The following AHNAK variants were observed in gnomAD, a reference collection of about 807,000 sequenced individuals.
AHNAK encodes the protein neuroblast differentiation-associated protein AHNAK.
A neutral mutation model predicts 37.8 loss-of-function variants in AHNAK; 23 were observed. The observed-to-expected ratio is 0.61, with a 90% CI of 0.44 to 0.86. The LOEUF is 0.86. Ranked by LOEUF, AHNAK falls within the 40% of genes least tolerant of loss-of-function variation. The pLI is 0.00. For synonymous variants in AHNAK, 2,481 were observed against 2,636.3 expected, an observed-to-expected ratio of 0.94 and a Z score of 1.80; for missense variants, 7,411 against 7,319.4, an observed-to-expected ratio of 1.01 and a Z score of -0.46.
intron 5 of AHNAK, among the ~76,000 whole-genome samples, chr11:62,473,485 G>A (rs1939082784): frequency 1.3e-5 from 2 of 151,810 alleles, no homozygotes; most frequent in South Asian, 4.2e-4. Context: ...CACAAGGTCA[G>A]GAGATCGAGA....
At chr11:62,448,096 AAC>A (rs1938455812) in intron 5 of AHNAK, among the ~76,000 whole-genome samples, 1 of 152,086 alleles carries the variant, frequency 6.6e-6, no homozygotes, top group Non-Finnish European at 1.5e-5. Flanking sequence ...GACGATGGTG[AAC>A]CCTGGATGAA....
In AHNAK at chr11:62,521,778, G is replaced by C. The variant is rs761932925; in HGVS notation, c.12639C>G (p.Pro4213=). ...GTCCTGAGACGTCAAGGTCAGCCTT[G>C]GGCAGGTTCACATCCACATCTGGGC... ...GEGPDVDVNL[P]KADLDVSGPK... The change falls in exon 5 of 5, where the codon CCC becomes CCG. Residue 4213 remains proline, a synonymous_variant. Coordinates refer to ENST00000378024, the MANE Select transcript of AHNAK (RefSeq NM_001620.3). 1.2e-6 allele frequency: 2 copies of C among 1,607,224 alleles called. No homozygotes were observed. Among genetic ancestry groups the C allele is most frequent in the Middle Eastern group, 3.3e-4 (2 of 6,010 alleles).
intron 1 of AHNAK, among the ~76,000 whole-genome samples, chr11:62,539,782 C>T (rs1363211487): frequency 6.6e-6 from 1 of 152,234 alleles, no homozygotes; most frequent in African/African-American, 2.4e-5. Context: ...CAGTGGCTTC[C>T]CGGCCAGGTG....
At chr11:62,476,133 A>T (rs2507808) in intron 5 of AHNAK, among the ~76,000 whole-genome samples, 146,073 of 152,262 alleles carry the variant, frequency 0.96, 70,268 homozygotes, top group Admixed American at 0.98. Flanking sequence ...CAGTGGTGGT[A>T]CAAGTTCTGG....
chr11:62,504,335 CCCAGAGCTTAT>C (rs1359644121), intron 4 of AHNAK, among the ~76,000 whole-genome samples: 1 of 151,986 alleles, frequency 6.6e-6, no homozygotes, highest in African/African-American at 2.4e-5. Context: ...AGCAAATTTA[CCCAGAGCTTAT>C]CCCACCTGGG....
At position 62,517,321 on chromosome 11, in the gene AHNAK, TCG is replaced by T. The variant is rs780551806; in HGVS notation, c.17094_17095del (p.Glu5699ValfsTer5). 1.9e-6 allele frequency: 3 copies of T among 1,614,182 alleles called. No homozygotes were observed. In the East Asian group the frequency reaches 6.7e-5, roughly 36 times the overall value. ...CAGTTTGACTTCAGACTCTTCCCACTCGCCGTCTCCAGCACCAGCTTGGATGC... is the reference window on the plus strand; with the variant it reads ...CAGTTTGACTTCAGACTCTTCCCACTCCGTCTCCAGCACCAGCTTGGATGC... On this transcript the variant is annotated frameshift_variant, in exon 5 of 5. Transcript: ENST00000378024. LOFTEE classifies it high-confidence loss of function.
chr11:62,516,090 GC>G lies in AHNAK; in HGVS notation c.*653del. 2.4e-6 allele frequency: 3 copies of G among 1,225,892 alleles called. No individual in the cohort carries two copies. Among genetic ancestry groups the G allele is most frequent in the Non-Finnish European group, 3.1e-6 (3 of 954,722 alleles). 75.9% of individuals were successfully genotyped at this position (1,225,892 alleles called of 1,614,324 possible). On this transcript the variant is annotated 3_prime_UTR_variant, in exon 5 of 5. Transcript: ENST00000378024. ...CCCTTACAAAACACAGAAAATGGAA[GC>G]CCCTCATGTTGAGGGGGTGGGTTGG...
intron 4 of AHNAK, among the ~76,000 whole-genome samples, chr11:62,497,690 G>A (rs1939634990): frequency 6.6e-6 from 1 of 152,248 alleles, no homozygotes; most frequent in African/African-American, 2.4e-5. Context: ...GCCAGGCGCG[G>A]TGGTTCACAC....
chr11:62,532,233 G>A lies in AHNAK; in HGVS notation c.2184C>T (p.Gly728=). 1 of 1,613,814 alleles carries A rather than the reference G, an allele frequency of 6.2e-7. No individual in the cohort carries two copies. The highest frequency in any genetic ancestry group is 8.5e-7 in the Non-Finnish European group (1 of 1,179,962). ...TVPKLEGELK[G]PKVDIDAPDV... ...CTGGGGCATCAATGTCCACTTTTGG[G>A]CCTTTGAGTTCTCCTTCCAGCTTTG... is the stretch of plus-strand genomic sequence containing the variant. The change falls in exon 5 of 5, where the codon GGC becomes GGT. Residue 728 remains glycine (G), a synonymous_variant. Transcript: ENST00000378024.
At position 62,518,402 on chromosome 11, in the gene AHNAK, G is replaced by A. The variant is rs1274415306; in HGVS notation, c.16015C>T (p.Gln5339Ter). 5 of 1,613,932 alleles carry A rather than the reference G, an allele frequency of 3.1e-6. No individual in the cohort carries two copies. In the South Asian group the frequency reaches 4.4e-5, roughly 14 times the overall value. ...LNLSGVGGKM[Q>*]VGGDGVKVPG... is the part of the protein sequence containing the mutation. ...ACTTTCACACCGTCTCCTCCCACCTGCATTTTGCCACCGACACCACTGAGG... is the reference window on the plus strand; with the variant it reads ...ACTTTCACACCGTCTCCTCCCACCTACATTTTGCCACCGACACCACTGAGG... The change falls in exon 5 of 5, where the codon CAG becomes TAG. Residue 5339 changes from glutamine (Q) to a stop codon, truncating the protein, a stop_gained. Transcript: ENST00000378024. LOFTEE classifies it high-confidence loss of function.
intron 1 of AHNAK, among the ~76,000 whole-genome samples, chr11:62,544,046 C>T (rs916446370): frequency 6.6e-6 from 1 of 152,156 alleles, no homozygotes; most frequent in Non-Finnish European, 1.5e-5. Context: ...CACACCCCTC[C>T]GCCCCCACGG....
intron 5 of AHNAK, chr11:62,491,722 C>T (rs761190743): frequency 1.8e-5 from 29 of 1,603,866 alleles, no homozygotes; most frequent in Non-Finnish European, 2.5e-5. Flanking sequence ...GTCCCCATCA[C>T]TTCTCTCACC....
In AHNAK at chr11:62,528,420, T is replaced by C; in HGVS notation, c.5997A>G (p.Lys1999=). The C allele has an allele frequency of 6.2e-7, 1 of 1,613,730 alleles. No individual in the cohort carries two copies. The highest frequency in any genetic ancestry group is 1.7e-5 in the Admixed American group (1 of 59,980). Residue 1999 remains lysine, a synonymous_variant, in exon 5 of 5, where the codon AAA becomes AAG. Coordinates refer to ENST00000378024, the MANE Select transcript of AHNAK (RefSeq NM_001620.3). The part of the protein sequence containing the change: ...ISMPDVDLHL[K]GPKVKGDMDV... ...CCATATCCCCTTTGACTTTGGGGCC[T>C]TTCAGGTGTAAGTCCACATCAGGCA...
chr11:62,508,060 C>T (rs1007615819), intron 4 of AHNAK, among the ~76,000 whole-genome samples: 2 of 152,278 alleles, frequency 1.3e-5, no homozygotes, highest in East Asian at 3.9e-4. Context: ...CCTCCTGCCT[C>T]GGCCTCCCAA....
At position 62,525,058 on chromosome 11, in the gene AHNAK, A is replaced by G. The variant is rs202142478; in HGVS notation, c.9359T>C (p.Met3120Thr). The change falls in exon 5 of 5, where the codon ATG becomes ACG. Residue 3120 changes from methionine (M) to threonine (T), a missense_variant. Met to Thr is a moderately conservative substitution (Grantham distance 81). Coordinates refer to ENST00000378024, the MANE Select transcript of AHNAK (RefSeq NM_001620.3). ...TTTAATATCCACGTCAGGAACTTTC[A>G]TGTCACCTTCCACTTTTGGCAGAGA... ...DVSLPKVEGD[M>T]KVPDVDIKGP... 355 of 1,613,692 alleles carry G rather than the reference A, an allele frequency of 2.2e-4. 1 individual carries two copies. The highest frequency in any genetic ancestry group is 2.6e-4 in the Non-Finnish European group (301 of 1,179,934).
chr11:62,490,128 G>A (rs957609510), intron 5 of AHNAK, among the ~76,000 whole-genome samples: 1 of 151,940 alleles, frequency 6.6e-6, no homozygotes, highest in African/African-American at 2.4e-5. Context: ...CTTTCCAGTT[G>A]GCTCTCAAAG....
At chr11:62,447,620 C>T (rs991060049) in intron 5 of AHNAK, among the ~76,000 whole-genome samples, 7 of 152,148 alleles carry the variant, frequency 4.6e-5, no homozygotes, top group Non-Finnish European at 2.9e-5. Flanking sequence ...CTGTTACCCA[C>T]AGTGAAAAGC....
rs143630693 is a variant in AHNAK, at chr11:62,523,192, G to C, written c.11225C>G (p.Ala3742Gly). 99 of 1,613,496 alleles carry C rather than the reference G, an allele frequency of 6.1e-5. 1 individual carries two copies. The African/African-American group carries it at 1.2e-3, about 19-fold the overall frequency. Reference protein sequence around the residue: ...KFKIPEMHLKAPKISMPDIDL... With the variant: ...KFKIPEMHLKGPKISMPDIDL... Reference sequence around the variant, plus strand: ...AATGTCAGGCATCGATATTTTGGGAGCCTTCAGGTGCATCTCTGGTATCTT... The same window carrying C: ...AATGTCAGGCATCGATATTTTGGGACCCTTCAGGTGCATCTCTGGTATCTT... Residue 3742 changes from alanine (A) to glycine (G), a missense_variant, in exon 5 of 5, where the codon GCT (alanine) becomes GGT (glycine). Physicochemically the swap from Ala to Gly is moderately conservative, Grantham distance 60 (BLOSUM62 0). Transcript: ENST00000378024.
At chr11:62,480,971 GCCT>G (rs1307789236) in intron 5 of AHNAK, among the ~76,000 whole-genome samples, 1 of 152,154 alleles carries the variant, frequency 6.6e-6, no homozygotes, top group Non-Finnish European at 1.5e-5. Context: ...CCCAGAGGCT[GCCT>G]CCTGTGAGTA....
Sources: allele counts gnomAD v4.1 joint callset (sites outside exome capture counted in the v4.1 genomes callset), GRCh38; gene constraint gnomAD v4.1.1; transcripts MANE v1.5; gene names NCBI Gene and HGNC (gene_info 2026-07-23, HGNC 2026-07-21).